PDE11A: variants seen among roughly 807,000 people sequenced by gnomAD.
The protein encoded by PDE11A is phosphodiesterase 11A, also known as dual 3',5'-cyclic-AMP and -GMP phosphodiesterase 11A.
A neutral mutation model predicts 100.5 loss-of-function variants in PDE11A; 100 were observed. The ratio of observed to expected loss-of-function variants is 1.00; its 90% CI spans 0.85 to 1.18. PDE11A has a LOEUF of 1.18. PDE11A is among the 50% of genes most tolerant of loss of function. PDE11A has a pLI of 0.00. For missense variants in PDE11A, 1,141 were observed against 1,152.6 expected (o/e 0.99, Z 0.15); for synonymous variants, 381 against 420.8 (o/e 0.91, Z 1.16).
At chr2:177,977,152 C>A (rs1370939712) in intron 2 of PDE11A, among the ~76,000 whole-genome samples, 1 of 41,554 alleles carries the variant, frequency 2.4e-5, no homozygotes, top group Non-Finnish European at 4.6e-5. Context: ...GTCAAATTGT[C>A]CCTGTTTGCA....
At chr2:177,777,956 TAAG>T (rs1241405782) in intron 9 of PDE11A, among the ~76,000 whole-genome samples, 3 of 152,226 alleles carry the variant, frequency 2.0e-5, no homozygotes, top group Non-Finnish European at 4.4e-5. Flanking sequence ...AGCTCTGACT[TAAG>T]AAATTTTTAT....
chr2:178,022,426 T>C (rs998510777), intron 1 of PDE11A, among the ~76,000 whole-genome samples: 56 of 152,288 alleles, frequency 3.7e-4, no homozygotes, highest in African/African-American at 1.3e-3. Context: ...ATCCACATGG[T>C]ACAGATGCTC....
intron 1 of PDE11A, among the ~76,000 whole-genome samples, chr2:178,024,066 C>T (rs991256742): frequency 6.6e-6 from 1 of 152,126 alleles, no homozygotes; most frequent in African/African-American, 2.4e-5. Context: ...GGGGATCTGA[C>T]TTCTGGCTGT....
At chr2:177,983,066 AC>A (rs1349317639) in intron 2 of PDE11A, among the ~76,000 whole-genome samples, 1 of 150,646 alleles carries the variant, frequency 6.6e-6, no homozygotes, top group Non-Finnish European at 1.5e-5. Context: ...ACAGAGTGAG[AC>A]CCTGTCTCAA....
intron 2 of PDE11A, chr2:178,104,297 T>C (rs776669086): frequency 1.1e-5 from 17 of 1,613,516 alleles, no homozygotes; most frequent in Non-Finnish European, 1.4e-5. Flanking sequence ...ACTGCTAGTT[T>C]TTACCTTTGT....
intron 14 of PDE11A, among the ~76,000 whole-genome samples, chr2:177,700,159 A>G (rs559389863): frequency 7.2e-5 from 11 of 152,150 alleles, no homozygotes; most frequent in Non-Finnish European, 1.0e-4. Flanking sequence ...CATTCCCAGC[A>G]GGTTTTCCCT....
chr2:177,777,527 A>G (rs1339941215), intron 9 of PDE11A, among the ~76,000 whole-genome samples: 1 of 152,166 alleles, frequency 6.6e-6, no homozygotes, highest in Non-Finnish European at 1.5e-5. Flanking sequence ...TAAAAGTACT[A>G]TTGCCCTACC....
intron 1 of PDE11A, among the ~76,000 whole-genome samples, chr2:178,065,304 A>G (rs1265787961): frequency 1.3e-5 from 2 of 152,232 alleles, no homozygotes; most frequent in Non-Finnish European, 2.9e-5. Context: ...ACTCTTCAAC[A>G]TTATATTCAA....
intron 16 of PDE11A, 54 bp from the exon 17 acceptor site, chr2:177,675,572 A>G (rs1362183104): frequency 2.5e-5 from 33 of 1,304,140 alleles, no homozygotes; most frequent in Non-Finnish European, 3.7e-5. Flanking sequence ...TGCATTCCTA[A>G]ACAAACCCGT....
intron 12 of PDE11A, among the ~76,000 whole-genome samples, chr2:177,717,719 C>A (rs2105434598): frequency 6.6e-6 from 1 of 152,306 alleles, no homozygotes; most frequent in East Asian, 1.9e-4. Context: ...GATATTCCTT[C>A]ATTGGGCTGA....
intron 9 of PDE11A, chr2:177,797,156 C>T (rs1349967046): frequency 6.6e-6 from 1 of 152,202 alleles, no homozygotes; most frequent in African/African-American, 2.4e-5. Context: ...AAAACAGGCC[C>T]TTTACCTTGG....
chr2:177,637,900 T>C (rs6761540), intron 19 of PDE11A, among the ~76,000 whole-genome samples: 111,649 of 141,976 alleles, frequency 0.79, 44,450 homozygotes, highest in East Asian at 0.9. Flanking sequence ...TATATATATA[T>C]ACATATATAC....
chr2:177,693,288 C>A (rs1355364077), intron 15 of PDE11A, among the ~76,000 whole-genome samples: 1 of 152,174 alleles, frequency 6.6e-6, no homozygotes, highest in African/African-American at 2.4e-5. Context: ...GCCCAGTCAT[C>A]AGGCACACAC....
At chr2:177,896,937 C>G (rs1172402163) in intron 4 of PDE11A, among the ~76,000 whole-genome samples, 1 of 152,038 alleles carries the variant, frequency 6.6e-6, no homozygotes, top group Non-Finnish European at 1.5e-5. Flanking sequence ...ACAGAAATAA[C>G]CCCAATCTCT....
At chr2:177,923,158 T>C (rs527256084) in intron 2 of PDE11A, among the ~76,000 whole-genome samples, 2 of 151,626 alleles carry the variant, frequency 1.3e-5, no homozygotes, top group Non-Finnish European at 2.9e-5. Flanking sequence ...TTTTAATTTA[T>C]TAATTTATTA....
At chr2:177,690,734 T>A (rs568679210) in intron 15 of PDE11A, among the ~76,000 whole-genome samples, 1 of 151,786 alleles carries the variant, frequency 6.6e-6, no homozygotes, top group Non-Finnish European at 1.5e-5. Flanking sequence ...AATTTTCAAT[T>A]TGAAGATAAG....
At position 177,915,666 on chromosome 2, in the gene PDE11A, C is replaced by A. The variant is rs1041592410; in HGVS notation, c.1072-10479G>T. Among the ~76,000 whole-genome samples the A allele has an allele frequency of 2.6e-5, 4 of 152,166 alleles. No homozygotes were observed. In the East Asian group the frequency reaches 7.7e-4, roughly 29 times the overall value. Reference sequence around the variant, plus strand: ...AAAGCTGCTATAAACATTCATGTGCCAGTTTTTGTGTAGACATAATTTTTT... The same window carrying A: ...AAAGCTGCTATAAACATTCATGTGCAAGTTTTTGTGTAGACATAATTTTTT... On this transcript the variant is annotated intron_variant, in intron 2 of 19. Transcript: ENST00000286063.
chr2:178,000,056 G>A (rs1574333430), intron 2 of PDE11A, among the ~76,000 whole-genome samples: 1 of 152,218 alleles, frequency 6.6e-6, no homozygotes, highest in East Asian at 1.9e-4. Flanking sequence ...AAAGGGGTGG[G>A]GGAAATGCTC....
chr2:177,774,328 C>T (rs554118109), intron 9 of PDE11A, among the ~76,000 whole-genome samples: 1 of 152,276 alleles, frequency 6.6e-6, no homozygotes, highest in Admixed American at 6.5e-5. Context: ...CCTCAATATG[C>T]CTCAGTTTTG....
Sources: gnomAD v4.1 joint callset for allele counts (sites outside exome capture counted in the v4.1 genomes callset) on GRCh38, gnomAD v4.1.1 for gene constraint, MANE v1.5 for transcripts, NCBI Gene and HGNC (gene_info 2026-07-23, HGNC 2026-07-21) for gene names.